Variants in CTNNA3 observed in about 807,000 individuals in gnomAD.
CTNNA3 encodes the protein catenin alpha-3.
In CTNNA3, 76 loss-of-function variants were observed where a neutral mutation model predicts 95.7. That is an observed-to-expected ratio of 0.79 (90% CI 0.66 to 0.96). CTNNA3 has a LOEUF of 0.96. Among genes scored for constraint, CTNNA3 ranks in the 40% least tolerant of loss-of-function variants. CTNNA3 has a pLI of 0.00. For synonymous variants in CTNNA3, 431 were observed against 374.4 expected (o/e 1.15, Z -1.74); for missense variants, 1,191 against 1,089.8 (o/e 1.09, Z -1.31).
At chr10:67,116,454 GA>G (rs1046673905) in intron 7 of CTNNA3, among the ~76,000 whole-genome samples, 2 of 151,878 alleles carry the variant, frequency 1.3e-5, no homozygotes, top group African/African-American at 4.8e-5. Flanking sequence ...GGGAGCCTGG[GA>G]ACCAACTTCA....
intron 5 of CTNNA3, among the ~76,000 whole-genome samples, chr10:67,342,952 A>G (rs909684220): frequency 4.0e-5 from 6 of 151,740 alleles, no homozygotes; most frequent in African/African-American, 1.5e-4. Flanking sequence ...GTGGTTCCAC[A>G]TAATTTTCCT....
At chr10:67,607,167 A>G (rs1280525157) in intron 2 of CTNNA3, 118 bp from the exon 3 acceptor site, 2 of 742,588 alleles carry the variant, frequency 2.7e-6, no homozygotes, top group Non-Finnish European at 4.3e-6. Flanking sequence ...CTCAAGGGCT[A>G]GGGGCGCCAA....
chr10:66,029,695 G>C (rs760672027), intron 15 of CTNNA3, among the ~76,000 whole-genome samples: 1 of 152,138 alleles, frequency 6.6e-6, no homozygotes, highest in Non-Finnish European at 1.5e-5. Context: ...TGGGATATAA[G>C]CTTCAGGAGG....
At chr10:67,009,427 G>A (rs1057494404) in intron 7 of CTNNA3, among the ~76,000 whole-genome samples, 5 of 151,696 alleles carry the variant, frequency 3.3e-5, no homozygotes, top group South Asian at 2.1e-4. Context: ...GAAAGCTTTC[G>A]TGTTTCTCTC....
At position 67,124,365 on chromosome 10, in the gene CTNNA3, TG is replaced by T. The variant is rs372902653; in HGVS notation, c.1047+55951del. 6.1e-3 allele frequency among the ~76,000 whole-genome samples: 922 copies of T among 151,484 alleles called. 7 individuals are homozygous for T. The highest frequency in any genetic ancestry group is 0.021 in the Middle Eastern group (6 of 292). ...GTGTGTGTGTGTGTGTGTGTGTGTG[TG>T]TGTGTGTGGTCTATAAATGACTGTG... On this transcript the variant is annotated intron_variant, in intron 7 of 17. Transcript: ENST00000433211.
chr10:66,973,803 T>C (rs746161248), intron 7 of CTNNA3, among the ~76,000 whole-genome samples: 6 of 152,092 alleles, frequency 3.9e-5, no homozygotes, highest in Non-Finnish European at 7.4e-5. Flanking sequence ...TTTTGTATTT[T>C]TACTGAGATG....
chr10:67,591,625 T>A (rs1842789242), intron 3 of CTNNA3, among the ~76,000 whole-genome samples: 1 of 151,742 alleles, frequency 6.6e-6, no homozygotes, highest in Non-Finnish European at 1.5e-5. Context: ...ATAGAAAATG[T>A]CCAGATAGAA....
chr10:67,679,537 C>A (rs775845698), intron 1 of CTNNA3, among the ~76,000 whole-genome samples: 2 of 152,164 alleles, frequency 1.3e-5, no homozygotes, highest in Admixed American at 6.5e-5. Context: ...AAACCAAATT[C>A]TATCTTGGTC....
intron 10 of CTNNA3, among the ~76,000 whole-genome samples, chr10:66,550,596 AGAAAG>A (rs1842185332): frequency 6.6e-6 from 1 of 152,182 alleles, no homozygotes; most frequent in East Asian, 1.9e-4. Context: ...GCCCTCTAAG[AGAAAG>A]TTTGCCAACT....
At chr10:67,289,888 C>T (rs1339443028) in intron 5 of CTNNA3, among the ~76,000 whole-genome samples, 1 of 151,908 alleles carries the variant, frequency 6.6e-6, no homozygotes, top group Admixed American at 6.6e-5. Context: ...AAGCCTCAAA[C>T]TCCTGGGTTC....
intron 13 of CTNNA3, among the ~76,000 whole-genome samples, chr10:66,113,192 A>AT (rs71035109): frequency 0.066 from 9,902 of 149,066 alleles, 395 homozygotes; most frequent in Non-Finnish European, 0.1. Context: ...ATCTCATTGT[A>AT]TTTTTTTTTT....
chr10:66,752,758 A>G (rs1036563219), intron 9 of CTNNA3, among the ~76,000 whole-genome samples: 71 of 152,178 alleles, frequency 4.7e-4, no homozygotes, highest in African/African-American at 1.7e-3. Context: ...TGAAAATAAA[A>G]TAAAAGATAT....
intron 10 of CTNNA3, among the ~76,000 whole-genome samples, chr10:66,536,099 C>A (rs902837894): frequency 1.3e-5 from 2 of 150,672 alleles, no homozygotes; most frequent in Admixed American, 6.6e-5. Context: ...GTTGTTGAAA[C>A]AGGGTGATGG....
chr10:66,636,136 A>G lies in CTNNA3; in HGVS notation c.1282-14352T>C, dbSNP rs555173907. Among the ~76,000 whole-genome samples the G allele has an allele frequency of 2.0e-5, 3 of 152,110 alleles. No homozygotes were observed. The East Asian group carries it at 5.8e-4, about 29-fold the overall frequency. On this transcript the variant is annotated intron_variant, in intron 9 of 17. Transcript: ENST00000433211. ...CTATTATTAAATACTATGATTTCAT[A>G]TCCCCTCATTCTTGGGTCCCTGAAT...
At chr10:66,918,934 G>T (rs1846638432) in intron 7 of CTNNA3, among the ~76,000 whole-genome samples, 1 of 151,996 alleles carries the variant, frequency 6.6e-6, no homozygotes, top group Non-Finnish European at 1.5e-5. Flanking sequence ...AGGAGATTGA[G>T]ACCATCCTGG....
intron 10 of CTNNA3, among the ~76,000 whole-genome samples, chr10:66,582,355 C>A (rs1192098983): frequency 2.0e-5 from 3 of 151,750 alleles, no homozygotes; most frequent in African/African-American, 7.2e-5. Context: ...AGATACTACA[C>A]CTCCTTGGTT....
chr10:65,965,761 T>G (rs1445430079), intron 17 of CTNNA3, among the ~76,000 whole-genome samples: 1 of 152,052 alleles, frequency 6.6e-6, no homozygotes, highest in Non-Finnish European at 1.5e-5. Flanking sequence ...TTTCAGAACA[T>G]TAACTCATTG....
chr10:66,515,646 G>T (rs1014760635), intron 11 of CTNNA3, among the ~76,000 whole-genome samples: 1 of 152,060 alleles, frequency 6.6e-6, no homozygotes, highest in Non-Finnish European at 1.5e-5. Flanking sequence ...CACATGGCTA[G>T]GGAGGCCTCA....
chr10:67,232,369 A>G (rs1865256194), intron 5 of CTNNA3, among the ~76,000 whole-genome samples: 1 of 151,944 alleles, frequency 6.6e-6, no homozygotes, highest in African/African-American at 2.4e-5. Flanking sequence ...ACATTCTTAA[A>G]GAAAAGAATT....
Sources: gnomAD v4.1 joint callset for allele counts (sites outside exome capture counted in the v4.1 genomes callset) on GRCh38, gnomAD v4.1.1 for gene constraint, MANE v1.5 for transcripts, NCBI Gene and HGNC (gene_info 2026-07-23, HGNC 2026-07-21) for gene names.